FAT1: variants seen among roughly 807,000 people sequenced by gnomAD.
FAT1 encodes FAT atypical cadherin 1.
In FAT1, 171 loss-of-function variants were observed where a neutral mutation model predicts 329.8. The ratio of observed to expected loss-of-function variants is 0.52; its 90% CI spans 0.46 to 0.59. The LOEUF (loss-of-function observed/expected upper bound fraction) is 0.59. Ranked by LOEUF, FAT1 falls within the 20% of genes least tolerant of loss-of-function variation. FAT1 has a pLI of 0.00. For synonymous variants in FAT1, 2,233 were observed against 2,228.6 expected (o/e 1.00, Z -0.06); for missense variants, 5,672 against 5,774.4 (o/e 0.98, Z 0.57).
chr4:186,590,006 T>C (rs1738158348), intron 26 of FAT1, among the ~76,000 whole-genome samples: 1 of 152,078 alleles, frequency 6.6e-6, no homozygotes, highest in Non-Finnish European at 1.5e-5. Context: ...TCAAGCAAAA[T>C]ACAATTGAAC....
chr4:186,634,813 C>T (rs1006998269), intron 6 of FAT1, among the ~76,000 whole-genome samples: 1 of 152,164 alleles, frequency 6.6e-6, no homozygotes, highest in Non-Finnish European at 1.5e-5. Context: ...CCTGGCACAG[C>T]CAAAAAGAAG....
chr4:186,595,660 C>A (rs4862721), intron 26 of FAT1, 29 bp downstream of exon 26: 1 of 1,611,030 alleles, frequency 6.2e-7, no homozygotes, highest in Admixed American at 1.7e-5. Flanking sequence ...GCAAGCAAAG[C>A]GCAGTGTTGC....
At chr4:186,623,018 A>C (rs1377415863) in intron 9 of FAT1, among the ~76,000 whole-genome samples, 1 of 152,226 alleles carries the variant, frequency 6.6e-6, no homozygotes, top group African/African-American at 2.4e-5. Flanking sequence ...CATTAACAGG[A>C]AACACTTCCT....
At chr4:186,610,592 T>C (rs1025981287) in intron 14 of FAT1, among the ~76,000 whole-genome samples, 24 of 143,540 alleles carry the variant, frequency 1.7e-4, no homozygotes, top group African/African-American at 5.4e-4. Flanking sequence ...ATATAAATTA[T>C]ATAAATATAA....
At chr4:186,713,133 C>A (rs769503466) in intron 1 of FAT1, among the ~76,000 whole-genome samples, 10 of 147,856 alleles carry the variant, frequency 6.8e-5, no homozygotes, top group Admixed American at 1.3e-4. Context: ...AACTACAGTC[C>A]ATACTTCACT....
chr4:186,603,282 G>A lies in FAT1; in HGVS notation c.11244C>T (p.Cys3748=), dbSNP rs778880508. The part of the protein sequence containing the change: ...CAGLDCPWKF[C]DEKVSVDESV... Reference sequence around the variant, plus strand: ...TTTCATCCACAGACACCTTTTCATCGCAGAACTTCCAGGGGCAGTCCAGTC... The same window carrying A: ...TTTCATCCACAGACACCTTTTCATCACAGAACTTCCAGGGGCAGTCCAGTC... Residue 3748 remains cysteine, a synonymous_variant, in exon 19 of 27, where the codon TGC becomes TGT. Coordinates refer to ENST00000441802, the MANE Select transcript of FAT1 (RefSeq NM_005245.4). 3.7e-6 allele frequency: 6 copies of A among 1,613,714 alleles called. No individual in the cohort carries two copies. Among genetic ancestry groups the A allele is most frequent in the Admixed American group, 1.7e-5 (1 of 59,984 alleles).
At chr4:186,715,191 C>T (rs547705897) in intron 1 of FAT1, among the ~76,000 whole-genome samples, 50 of 152,022 alleles carry the variant, frequency 3.3e-4, no homozygotes, top group African/African-American at 4.8e-4. Flanking sequence ...ATGGCCAACA[C>T]GTCAGACTGC....
At chr4:186,683,490 A>T (rs918921830) in intron 2 of FAT1, among the ~76,000 whole-genome samples, 2 of 152,154 alleles carry the variant, frequency 1.3e-5, no homozygotes, top group Non-Finnish European at 2.9e-5. Flanking sequence ...GAATGCATGG[A>T]AGGGCATTCA....
Position 186,708,763 on chromosome 4 carries a change from CACGT to C in FAT1, c.1061_1064del (p.His354ArgfsTer22). ...GCCCGGCTTTGAACTGTGGAGAAGT[CACGT>C]GAATGACTTTAACAGAAGAGAACTG... On this transcript the variant is annotated frameshift_variant, in exon 2 of 27. Transcript: ENST00000441802. LOFTEE classifies it high-confidence loss of function. 6.2e-7 allele frequency: 1 copy of C among 1,613,954 alleles called. No homozygotes were observed. The highest frequency in any genetic ancestry group is 8.5e-7 in the Non-Finnish European group (1 of 1,179,882).
intron 18 of FAT1, 59 bp from the exon 19 acceptor site, chr4:186,604,036 A>G (rs2126436663): frequency 2.3e-6 from 3 of 1,330,722 alleles, no homozygotes; most frequent in East Asian, 4.6e-5. Context: ...AACTTCTTCA[A>G]TAAAAACATT....
chr4:186,595,575 G>A, intron 26 of FAT1, 114 bp downstream of exon 26: 1 of 1,288,264 alleles, frequency 7.8e-7, no homozygotes, highest in Non-Finnish European at 1.1e-6. Context: ...AGTGGTCCAA[G>A]AAAAATGAAA....
rs955550584 is a variant in FAT1, at chr4:186,619,406, T to C, written c.7180A>G (p.Ile2394Val). ...NDNPPLFEQQ[I>V]YEARISEHAP... ...TGCTCGCTAATTCTGGCTTCATAAATCTGTTGTTCAAAGAGTGGTGGATTA... is the reference window on the plus strand; with the variant it reads ...TGCTCGCTAATTCTGGCTTCATAAACCTGTTGTTCAAAGAGTGGTGGATTA... Residue 2394 changes from isoleucine (I) to valine (V), a missense_variant, in exon 10 of 27, where the codon ATT becomes GTT. Ile to Val is a conservative substitution (Grantham distance 29). Around this residue, in one of 2 missense-constraint regions of FAT1, gnomAD observed 3,966 missense variants for 3,915.2 expected, o/e 1.01. Transcript: ENST00000441802. The C allele has an allele frequency of 4.3e-6, 7 of 1,613,884 alleles. No homozygotes were observed. Among genetic ancestry groups the C allele is most frequent in the Non-Finnish European group, 5.9e-6 (7 of 1,179,898 alleles).
chr4:186,646,395 AGCACTGTC>A (rs1343597615), intron 3 of FAT1, among the ~76,000 whole-genome samples: 1 of 152,192 alleles, frequency 6.6e-6, no homozygotes, highest in Non-Finnish European at 1.5e-5. Flanking sequence ...GTTCTAGAAA[AGCACTGTC>A]CAACAGAAAT....
intron 14 of FAT1, among the ~76,000 whole-genome samples, chr4:186,611,094 A>G (rs977889968): frequency 6.6e-6 from 1 of 152,188 alleles, no homozygotes; most frequent in African/African-American, 2.4e-5. Flanking sequence ...CTAACTTGCT[A>G]TACCTTACAT....
intron 2 of FAT1, among the ~76,000 whole-genome samples, chr4:186,677,492 T>G (rs1334889343): frequency 1.1e-5 from 1 of 89,240 alleles, no homozygotes. Context: ...AAATTCAGGG[T>G]TTTTTTTTTT....
rs1190452950 is a variant in FAT1, at chr4:186,620,291, C to T, written c.6295G>A (p.Val2099Ile). 3 of 1,613,876 alleles carry T rather than the reference C, an allele frequency of 1.9e-6. No individual in the cohort carries two copies. In the African/African-American group the frequency reaches 4.0e-5, roughly 22 times the overall value. ...VVKVDTEVGH[V>I]IRYVTAVDRD... Reference sequence around the variant, plus strand: ...TCTACAGCAGTGACATAGCGAATGACATGGCCCACCTCAGTGTCCACTTTA... The same window carrying T: ...TCTACAGCAGTGACATAGCGAATGATATGGCCCACCTCAGTGTCCACTTTA... Residue 2099 changes from valine to isoleucine, a missense_variant, in exon 10 of 27, where the codon GTC becomes ATC. This residue lies in a region of FAT1 where 3,966 missense variants were observed against 3,915.2 expected (regional missense o/e 1.01). Transcript: ENST00000441802.
At position 186,598,065 on chromosome 4, in the gene FAT1, G is replaced by A. The variant is rs774367320; in HGVS notation, c.12164C>T (p.Pro4055Leu). 4 of 1,613,744 alleles carry A rather than the reference G, an allele frequency of 2.5e-6. No individual in the cohort carries two copies. The highest frequency in any genetic ancestry group is 1.3e-5 in the African/African-American group (1 of 74,908). ...IGTHCEISVN[P>L]CSSKPCLYGG... The stretch of plus-strand genomic sequence containing the variant: ...ATAGAGGCATGGCTTGGAGGAACAC[G>A]GATTGACGCTTATCTCACAGTGGGT... Residue 4055 changes from proline (P) to leucine (L), a missense_variant, in exon 23 of 27, where the codon CCG (proline) becomes CTG (leucine). Pro to Leu is a moderately conservative substitution (Grantham distance 98). Transcript: ENST00000441802.
upstream of FAT1, among the ~76,000 whole-genome samples, chr4:186,724,177 C>A (rs1339713410): frequency 2.2e-5 from 2 of 90,160 alleles, no homozygotes; most frequent in Non-Finnish European, 3.7e-5. The surrounding 1 kb of genome is among the most constrained non-coding windows in gnomAD (Gnocchi z 5.3). Flanking sequence ...GAAACGTTAG[C>A]TTAGCTAAAA....
chr4:186,700,077 G>A lies in FAT1; in HGVS notation c.3265+6486C>T, dbSNP rs1744230796. On this transcript the variant is annotated intron_variant, in intron 2 of 26. Transcript: ENST00000441802. ...CTGGCTTTCTTGCCCCGTACTAGAT[G>A]GCCAAGAGGACAGCTGCTGATGCCA... Among the ~76,000 whole-genome samples, 3 of 152,114 alleles carry A rather than the reference G, an allele frequency of 2.0e-5. No individual in the cohort carries two copies. The South Asian group carries it at 6.2e-4, about 32-fold the overall frequency.
Sources: allele counts gnomAD v4.1 joint callset (sites outside exome capture counted in the v4.1 genomes callset), GRCh38; gene constraint gnomAD v4.1.1; regional missense constraint gnomAD v4.1.1; non-coding constraint Gnocchi (gnomAD v3.1); transcripts MANE v1.5; gene names NCBI Gene and HGNC (gene_info 2026-07-23, HGNC 2026-07-21).